The following LCLAT1 variants were observed in gnomAD, a reference collection of about 807,000 sequenced individuals.
The protein encoded by LCLAT1 is 1-AGP acyltransferase 8.
A neutral mutation model predicts 30.7 loss-of-function variants in LCLAT1; 11 were observed. That is an observed-to-expected ratio of 0.36 (90% CI 0.23 to 0.59). The LOEUF is 0.59. LCLAT1 is among the 20% of genes least tolerant of loss of function. LCLAT1 has a pLI of 0.77. For missense variants in LCLAT1, 402 were observed against 458.6 expected, an observed-to-expected ratio of 0.88 and a Z score of 1.13; for synonymous variants, 155 against 151.3, an observed-to-expected ratio of 1.02 and a Z score of -0.18.
intron 2 of LCLAT1, among the ~76,000 whole-genome samples, chr2:30,529,292 C>T (rs1255458257): frequency 6.6e-6 from 1 of 152,140 alleles, no homozygotes; most frequent in Non-Finnish European, 1.5e-5. Context: ...GAGCACATTT[C>T]TGTGCTAAAA....
intron 5 of LCLAT1, among the ~76,000 whole-genome samples, chr2:30,599,393 G>A (rs181338312): frequency 6.6e-6 from 1 of 152,332 alleles, no homozygotes; most frequent in East Asian, 1.9e-4. Flanking sequence ...TTCCAATTAT[G>A]TGGTCTATTT....
intron 1 of LCLAT1, among the ~76,000 whole-genome samples, chr2:30,504,081 C>CGTGTGTGTGTGT (rs10632288): frequency 6.6e-6 from 1 of 150,794 alleles, no homozygotes; most frequent in Non-Finnish European, 1.5e-5. Flanking sequence ...AAGGGACTTA[C>CGTGTGTGTGTGT]GTGTGTGTGT....
chr2:30,497,616 T>G (rs940112515), intron 1 of LCLAT1, among the ~76,000 whole-genome samples: 1 of 152,254 alleles, frequency 6.6e-6, no homozygotes, highest in Non-Finnish European at 1.5e-5. Flanking sequence ...TGCTTAAGTT[T>G]AGTGACTAGA....
intron 5 of LCLAT1, among the ~76,000 whole-genome samples, chr2:30,620,452 T>C (rs1668190760): frequency 1.3e-5 from 2 of 152,178 alleles, no homozygotes; most frequent in Admixed American, 6.5e-5. Flanking sequence ...TCTCTGTAGT[T>C]TGTAGTAACT....
intron 3 of LCLAT1, among the ~76,000 whole-genome samples, chr2:30,561,636 A>G (rs1012409611): frequency 2.6e-5 from 4 of 152,166 alleles, no homozygotes; most frequent in Non-Finnish European, 5.9e-5. Flanking sequence ...TTTTCTTTTC[A>G]ATGACATAGA....
chr2:30,486,617 G>A (rs1341875481), intron 1 of LCLAT1, among the ~76,000 whole-genome samples: 1 of 152,160 alleles, frequency 6.6e-6, no homozygotes, highest in Non-Finnish European at 1.5e-5. Flanking sequence ...TAGTGGCAGA[G>A]ACTACCAAAT....
intron 1 of LCLAT1, among the ~76,000 whole-genome samples, chr2:30,459,997 C>G (rs1395516974): frequency 6.6e-6 from 1 of 152,100 alleles, no homozygotes; most frequent in Non-Finnish European, 1.5e-5. Flanking sequence ...CTTTTTGGAT[C>G]TTTATTTTAA....
intron 3 of LCLAT1, chr2:30,552,752 TC>T (rs1664737037): frequency 4.7e-6 from 1 of 213,426 alleles, no homozygotes; most frequent in Non-Finnish European, 9.8e-6. Flanking sequence ...GTTACTTAAC[TC>T]CCTGATTTAT....
intron 1 of LCLAT1, among the ~76,000 whole-genome samples, chr2:30,502,506 A>G (rs1306491148): frequency 6.6e-6 from 1 of 152,162 alleles, no homozygotes; most frequent in Non-Finnish European, 1.5e-5. Context: ...TGTACTAATT[A>G]GTAGTCACCT....
chr2:30,551,699 A>G (rs953702540), intron 3 of LCLAT1, among the ~76,000 whole-genome samples: 2 of 152,148 alleles, frequency 1.3e-5, no homozygotes, highest in Non-Finnish European at 2.9e-5. Context: ...AGCCTTTTCT[A>G]GCTTCTAATG....
intron 1 of LCLAT1, among the ~76,000 whole-genome samples, chr2:30,454,632 T>TC (rs934328762): frequency 1.3e-5 from 2 of 151,792 alleles, no homozygotes; most frequent in African/African-American, 4.8e-5. Flanking sequence ...TTTTTTTTTT[T>TC]TTGTAGAGAT....
intron 1 of LCLAT1, among the ~76,000 whole-genome samples, chr2:30,472,323 G>A (rs1236995777): frequency 1.3e-5 from 2 of 152,108 alleles, no homozygotes; most frequent in South Asian, 2.1e-4. Flanking sequence ...TGATAATTAA[G>A]CCCCTTCTAA....
intron 1 of LCLAT1, among the ~76,000 whole-genome samples, chr2:30,512,897 T>C (rs829634): frequency 0.72 from 109,159 of 152,024 alleles, 40,756 homozygotes; most frequent in East Asian, 0.87. Flanking sequence ...CAATGTTGTA[T>C]CCATTTCTCT....
At chr2:30,611,235 A>G (rs1484670724) in intron 5 of LCLAT1, among the ~76,000 whole-genome samples, 2 of 152,076 alleles carry the variant, frequency 1.3e-5, no homozygotes, top group African/African-American at 4.8e-5. Flanking sequence ...TGTGAACATG[A>G]TAAAGCTACA....
At chr2:30,590,271 A>G (rs1666631471) in intron 5 of LCLAT1, among the ~76,000 whole-genome samples, 1 of 151,638 alleles carries the variant, frequency 6.6e-6, no homozygotes. Flanking sequence ...TTTGCCAGCT[A>G]TTTAAACTTC....
chr2:30,447,881 C>T (rs924176176), intron 1 of LCLAT1, among the ~76,000 whole-genome samples: 1 of 152,234 alleles, frequency 6.6e-6, no homozygotes, highest in Admixed American at 6.5e-5. Context: ...GGGTTGTCTT[C>T]CCTGCGAGTC....
chr2:30,518,045 GAAAGTAGA>G (rs920544505), intron 1 of LCLAT1, among the ~76,000 whole-genome samples: 3 of 152,178 alleles, frequency 2.0e-5, no homozygotes, highest in African/African-American at 7.2e-5. Context: ...GCTAGCAGAA[GAAAGTAGA>G]AGAATAACTT....
chr2:30,457,254 A>G (rs1037626187), intron 1 of LCLAT1, among the ~76,000 whole-genome samples: 2 of 152,210 alleles, frequency 1.3e-5, no homozygotes, highest in African/African-American at 4.8e-5. Context: ...AGTGGTTGTC[A>G]GAGATCTTGG....
At chr2:30,459,526 T>G (rs1681996748) in intron 1 of LCLAT1, 1 of 894,604 alleles carries the variant, frequency 1.1e-6, no homozygotes, top group Non-Finnish European at 1.9e-6. Flanking sequence ...CTTTCTCTTT[T>G]TTTCTCCCAT....
Sources: gnomAD v4.1 joint callset for allele counts (sites outside exome capture counted in the v4.1 genomes callset) on GRCh38, gnomAD v4.1.1 for gene constraint, MANE v1.5 for transcripts, NCBI Gene and HGNC (gene_info 2026-07-23, HGNC 2026-07-21) for gene names.